The following RALGPS1 variants were observed in gnomAD, a reference collection of about 807,000 sequenced individuals.
RALGPS1 encodes ras-specific guanine nucleotide-releasing factor RalGPS1.
Under a neutral mutation model 78.8 loss-of-function variants are expected in RALGPS1, and 19 were observed. That is an observed-to-expected ratio of 0.24 (90% CI 0.17 to 0.35). The LOEUF is 0.35. RALGPS1 is among the 10% of genes least tolerant of loss of function. The pLI, the probability that RALGPS1 is intolerant of heterozygous loss-of-function variation, is 1.00. For missense variants in RALGPS1, 454 were observed against 688.3 expected, an observed-to-expected ratio of 0.66 and a Z score of 3.81; for synonymous variants, 228 against 256.3, an observed-to-expected ratio of 0.89 and a Z score of 1.06.
intron 11 of RALGPS1, among the ~76,000 whole-genome samples, chr9:127,182,709 G>C (rs369487000): frequency 6.6e-6 from 1 of 152,058 alleles, no homozygotes; most frequent in South Asian, 2.1e-4. Flanking sequence ...GATTACAGGC[G>C]TGAGTCACCA....
intron 1 of RALGPS1, among the ~76,000 whole-genome samples, chr9:126,919,795 T>C (rs1252335356): frequency 6.6e-6 from 1 of 152,166 alleles, no homozygotes; most frequent in African/African-American, 2.4e-5. Flanking sequence ...AGTCCTTGCC[T>C]TTGAGGTGCT....
At chr9:127,126,221 T>C (rs890738004) in intron 8 of RALGPS1, among the ~76,000 whole-genome samples, 1 of 152,096 alleles carries the variant, frequency 6.6e-6, no homozygotes, top group Non-Finnish European at 1.5e-5. Flanking sequence ...ACATTGTTTC[T>C]GTTGAGAAGT....
intron 14 of RALGPS1, among the ~76,000 whole-genome samples, chr9:127,203,742 G>A (rs552561960): frequency 8.5e-5 from 13 of 152,358 alleles, no homozygotes; most frequent in Admixed American, 2.6e-4. Flanking sequence ...CCAACAGGGC[G>A]ACCTGCATGA....
At chr9:126,978,579 A>G (rs943986542) in intron 4 of RALGPS1, among the ~76,000 whole-genome samples, 3 of 151,142 alleles carry the variant, frequency 2.0e-5, no homozygotes, top group Non-Finnish European at 4.4e-5. Context: ...ATTACACTCC[A>G]GCCTGGACAA....
intron 4 of RALGPS1, among the ~76,000 whole-genome samples, chr9:126,990,780 T>G (rs946137323): frequency 6.6e-6 from 1 of 152,228 alleles, no homozygotes; most frequent in Admixed American, 6.5e-5. Context: ...GTTCAAAGTC[T>G]GTTTCCCTCC....
chr9:127,137,603 T>G (rs1311608976), intron 8 of RALGPS1, among the ~76,000 whole-genome samples: 1 of 152,246 alleles, frequency 6.6e-6, no homozygotes, highest in Admixed American at 6.5e-5. Flanking sequence ...GCCGTCCTTT[T>G]CCCTTTTGAA....
chr9:126,946,668 T>A (rs547403658), intron 1 of RALGPS1, among the ~76,000 whole-genome samples: 1 of 152,166 alleles, frequency 6.6e-6, no homozygotes, highest in Admixed American at 6.5e-5. Flanking sequence ...CTATTCAGGC[T>A]TCCAGAATAG....
chr9:127,108,621 C>G (rs1461956402), intron 8 of RALGPS1: 2 of 1,613,670 alleles, frequency 1.2e-6, no homozygotes, highest in East Asian at 2.2e-5. Flanking sequence ...GGTAAATGAA[C>G]TCTCTTGGCG....
At chr9:127,134,127 T>C (rs1387122415) in intron 8 of RALGPS1, among the ~76,000 whole-genome samples, 3 of 152,060 alleles carry the variant, frequency 2.0e-5, no homozygotes, top group Non-Finnish European at 2.9e-5. Context: ...GGCTCCTGCC[T>C]GGCCACGATG....
chr9:127,141,932 A>T (rs2057808651), intron 8 of RALGPS1, among the ~76,000 whole-genome samples: 1 of 152,206 alleles, frequency 6.6e-6, no homozygotes, highest in African/African-American at 2.4e-5. Context: ...ATTCAATAAT[A>T]GTATGTTTTC....
In RALGPS1 at chr9:127,015,597, T is replaced by C. The variant is rs530431477; in HGVS notation, c.217-18834T>C. Among the ~76,000 whole-genome samples the C allele has an allele frequency of 3.3e-5, 5 of 152,180 alleles. No individual in the cohort carries two copies. In the East Asian group the frequency reaches 9.7e-4, roughly 29 times the overall value. Reference sequence around the variant, plus strand: ...GTATTCTCGTCCTGCCTGGTGAGATTTGGGGCTACACGGTTTGGGTCTCAG... The same window carrying C: ...GTATTCTCGTCCTGCCTGGTGAGATCTGGGGCTACACGGTTTGGGTCTCAG... On this transcript the variant is annotated intron_variant, in intron 4 of 18. Transcript: ENST00000259351.
chr9:127,134,717 C>A (rs1393602392), intron 8 of RALGPS1, among the ~76,000 whole-genome samples: 7 of 152,110 alleles, frequency 4.6e-5, no homozygotes, highest in Non-Finnish European at 8.8e-5. Context: ...TTTACTGTTG[C>A]AATGTATACA....
At chr9:127,116,995 T>A (rs1194460386) in intron 8 of RALGPS1, among the ~76,000 whole-genome samples, 2 of 152,154 alleles carry the variant, frequency 1.3e-5, no homozygotes, top group African/African-American at 4.8e-5. Flanking sequence ...CCCTGCAGTC[T>A]ACACTGCATG....
intron 3 of RALGPS1, among the ~76,000 whole-genome samples, chr9:126,975,764 G>A (rs1416293087): frequency 2.6e-5 from 4 of 152,122 alleles, no homozygotes; most frequent in Admixed American, 1.3e-4. Flanking sequence ...GATTATGAGG[G>A]CCAGATACAT....
At chr9:127,159,279 G>A (rs1340620116) in intron 8 of RALGPS1, among the ~76,000 whole-genome samples, 3 of 152,130 alleles carry the variant, frequency 2.0e-5, no homozygotes, top group Admixed American at 1.3e-4. Context: ...ACATTACCAG[G>A]CAATCCCCAG....
chr9:126,995,726 A>G (rs903967142), intron 4 of RALGPS1, among the ~76,000 whole-genome samples: 25 of 152,360 alleles, frequency 1.6e-4, no homozygotes, highest in African/African-American at 5.8e-4. Context: ...AACAGAATAT[A>G]CATTCTTTTC....
At chr9:126,957,518 C>G (rs1468378961) in intron 1 of RALGPS1, among the ~76,000 whole-genome samples, 1 of 152,152 alleles carries the variant, frequency 6.6e-6, no homozygotes, top group African/African-American at 2.4e-5. Flanking sequence ...TGTGGTGACT[C>G]TCTGTTAGGC....
intron 8 of RALGPS1, among the ~76,000 whole-genome samples, chr9:127,109,311 A>G (rs1449031857): frequency 4.6e-5 from 7 of 152,248 alleles, no homozygotes; most frequent in Non-Finnish European, 1.5e-5. Context: ...CCATGAGGGC[A>G]TGTCGTCTGT....
At chr9:127,209,623 G>A (rs935170919) in intron 14 of RALGPS1, among the ~76,000 whole-genome samples, 1 of 152,112 alleles carries the variant, frequency 6.6e-6, no homozygotes, top group African/African-American at 2.4e-5. Context: ...CAGGAGGCTC[G>A]GGGGCCTGGA....
Sources: allele counts gnomAD v4.1 joint callset (sites outside exome capture counted in the v4.1 genomes callset), GRCh38; gene constraint gnomAD v4.1.1; transcripts MANE v1.5; gene names NCBI Gene and HGNC (gene_info 2026-07-23, HGNC 2026-07-21).